NVL: variants seen among roughly 807,000 people sequenced by gnomAD.
The protein encoded by NVL is nuclear valosin-containing protein-like.
NVL carries 84 observed loss-of-function variants against 110.2 expected under a neutral mutation model. The observed-to-expected ratio is 0.76, with a 90% CI of 0.64 to 0.91. The LOEUF (loss-of-function observed/expected upper bound fraction) is 0.91, where lower values mean the gene tolerates loss of function less well. Among genes scored for constraint, NVL ranks in the 40% least tolerant of loss-of-function variants. The pLI, the probability that NVL is intolerant of heterozygous loss-of-function variation, is 0.00. For missense variants in NVL, 882 were observed against 1,035.9 expected (o/e 0.85, Z 2.04); for synonymous variants, 354 against 361.1 (o/e 0.98, Z 0.22).
chr1:224,241,041 G>A (rs1661142986), intron 19 of NVL, among the ~76,000 whole-genome samples: 1 of 151,650 alleles, frequency 6.6e-6, no homozygotes. Flanking sequence ...CACCCACCTT[G>A]GCCTCCCAAA....
At chr1:224,240,061 ATTTTT>A (rs34586586) in intron 19 of NVL, among the ~76,000 whole-genome samples, 2 of 90,932 alleles carry the variant, frequency 2.2e-5, no homozygotes, top group African/African-American at 9.1e-5. Context: ...ACGCTGGGTA[ATTTTT>A]TTTTTTTTTT....
intron 12 of NVL, among the ~76,000 whole-genome samples, chr1:224,293,620 C>G (rs567227341): frequency 7.2e-5 from 11 of 152,256 alleles, no homozygotes; most frequent in African/African-American, 2.4e-4. Flanking sequence ...GTATGGTACT[C>G]AGATTTAACC....
intron 11 of NVL, 24 bp from the exon 12 acceptor site, chr1:224,294,435 A>G (rs756451634): frequency 8.1e-6 from 13 of 1,612,756 alleles, no homozygotes; most frequent in Non-Finnish European, 1.0e-5. Context: ...GAGAAAGAGT[A>G]GTGAACAAAG....
chr1:224,236,405 T>A (rs1339146274), intron 20 of NVL, 101 bp downstream of exon 20: 1 of 861,868 alleles, frequency 1.2e-6, no homozygotes, highest in African/African-American at 1.7e-5. Context: ...CCTCATTTAA[T>A]CCTCCCAACA....
chr1:224,269,280 G>A (rs1664812971), intron 17 of NVL, among the ~76,000 whole-genome samples: 1 of 151,370 alleles, frequency 6.6e-6, no homozygotes, highest in Non-Finnish European at 1.5e-5. Flanking sequence ...TAGAGATCCT[G>A]TTGCTATATT....
chr1:224,268,000 G>A, intron 18 of NVL, 34 bp downstream of exon 18: 1 of 1,420,420 alleles, frequency 7.0e-7, no homozygotes, highest in Non-Finnish European at 9.9e-7. Flanking sequence ...TAAGTTTTTA[G>A]ATTCATCTGT....
chr1:224,328,389 A>G (rs572847237), intron 1 of NVL, among the ~76,000 whole-genome samples: 1 of 151,600 alleles, frequency 6.6e-6, no homozygotes, highest in East Asian at 1.9e-4. Context: ...GCGTGATGGC[A>G]TGCACTTGTA....
intron 22 of NVL, chr1:224,227,938 C>T (rs1571734194): frequency 5.2e-6 from 1 of 192,066 alleles, no homozygotes. Context: ...CACATGCAGG[C>T]GCTGGGAGAA....
intron 21 of NVL, among the ~76,000 whole-genome samples, chr1:224,232,468 C>T (rs990786637): frequency 6.6e-6 from 1 of 152,148 alleles, no homozygotes; most frequent in African/African-American, 2.4e-5. Context: ...CCTCGAACTC[C>T]TGGGCCTCAC....
chr1:224,269,366 T>C (rs918102787), intron 17 of NVL, among the ~76,000 whole-genome samples: 4 of 152,076 alleles, frequency 2.6e-5, no homozygotes, highest in Admixed American at 6.6e-5. Context: ...GATTACAGGC[T>C]TGTGCCACTG....
intron 9 of NVL, chr1:224,302,956 G>A: frequency 3.3e-6 from 1 of 303,478 alleles, no homozygotes; most frequent in Admixed American, 4.3e-5. Context: ...GGCTGAGGTG[G>A]GAGGACCACT....
At chr1:224,240,729 T>C (rs1661088962) in intron 19 of NVL, among the ~76,000 whole-genome samples, 2 of 151,720 alleles carry the variant, frequency 1.3e-5, no homozygotes, top group South Asian at 4.1e-4. Context: ...ATTAAACCTT[T>C]AGAAAAAGAA....
chr1:224,227,799 G>T, intron 22 of NVL, 129 bp from the exon 23 acceptor site: 1 of 719,504 alleles, frequency 1.4e-6, no homozygotes, highest in Non-Finnish European at 2.3e-6. Flanking sequence ...ACTGGAGAGA[G>T]GGTCTTTATA....
chr1:224,227,552 G>A lies in NVL; in HGVS notation c.*74C>T. ...GCCGCGCCTGTGTCCAGCTGAAAGT[G>A]GGTCCTTCAGAGCGTGTGGGGGATT... On this transcript the variant is annotated 3_prime_UTR_variant, in exon 23 of 23. Transcript: ENST00000281701. 7.4e-7 allele frequency: 1 copy of A among 1,351,258 alleles called. No individual in the cohort carries two copies. The highest frequency in any genetic ancestry group is 1.0e-6 in the Non-Finnish European group (1 of 965,912). The allele number at this position is 1,351,258 out of a possible 1,614,324, so 83.7% of individuals were successfully genotyped here.
intron 17 of NVL, among the ~76,000 whole-genome samples, chr1:224,269,153 T>C (rs2102825479): frequency 1.3e-5 from 2 of 149,746 alleles, no homozygotes; most frequent in South Asian, 4.2e-4. Context: ...ACTGGTGTGA[T>C]ATCAGCTCAC....
intron 4 of NVL, among the ~76,000 whole-genome samples, chr1:224,313,906 G>C (rs561859822): frequency 6.6e-6 from 1 of 152,278 alleles, no homozygotes; most frequent in South Asian, 2.1e-4. Context: ...GGGAGGCTGA[G>C]GCAGGAGAAT....
At chr1:224,279,069 A>G (rs185879192) in intron 16 of NVL, among the ~76,000 whole-genome samples, 25 of 152,268 alleles carry the variant, frequency 1.6e-4, no homozygotes, top group African/African-American at 6.0e-4. Flanking sequence ...AGATTCAGCA[A>G]TTCTCCTTCT....
chr1:224,298,603 G>C (rs3767722), intron 10 of NVL: 8,809 of 214,762 alleles, frequency 0.041, 234 homozygotes, highest in East Asian at 0.093. Flanking sequence ...TGGCATAATA[G>C]GTGGTAATAA....
In NVL at chr1:224,243,356, G is replaced by A. The variant is rs1437863913; in HGVS notation, c.2290-6774C>T. On this transcript the variant is annotated intron_variant, in intron 19 of 22. Transcript: ENST00000281701. ...CGTTCCTGTAGTCCCAGCTACTCAG[G>A]GAGCAGAGGCGGGAGGATCACTTGA... is the stretch of plus-strand genomic sequence containing the variant. Among the ~76,000 whole-genome samples the A allele has an allele frequency of 3.3e-5, 5 of 151,926 alleles. No individual in the cohort carries two copies. The Middle Eastern group carries it at 0.01, about 310-fold the overall frequency.
Sources: gnomAD v4.1 joint callset for allele counts (sites outside exome capture counted in the v4.1 genomes callset) on GRCh38, gnomAD v4.1.1 for gene constraint, MANE v1.5 for transcripts, NCBI Gene and HGNC (gene_info 2026-07-23, HGNC 2026-07-21) for gene names.